TMEM272: variants seen among roughly 807,000 people sequenced by gnomAD.
TMEM272 encodes long intergenic non-protein coding RNA 282.
Under a neutral mutation model 3.7 loss-of-function variants are expected in TMEM272, and 8 were observed. The ratio of observed to expected loss-of-function variants is 2.17; its 90% confidence interval spans 1.27 to 3.91. The LOEUF is 3.91. Among genes scored for constraint, TMEM272 ranks in the 30% most tolerant of loss-of-function variants. The pLI is 0.00. For missense variants in TMEM272, 166 were observed against 91.5 expected, an observed-to-expected ratio of 1.81 and a Z score of -3.32; for synonymous variants, 63 against 39.8, an observed-to-expected ratio of 1.58 and a Z score of -2.20.
At chr13:51,865,851 A>AGGAAGAAAAGGCCCTGTGGGT in the TMEM272 span, 2 of 1,613,798 alleles carry the variant, frequency 1.2e-6, no homozygotes. Context: ...GCCCTGTGGG[A>AGGAAGAAAAGGCCCTGTGGGT]GGAAGAAAAG....
the TMEM272 span, among the ~76,000 whole-genome samples, chr13:51,917,300 T>G: frequency 6.6e-6 from 1 of 152,116 alleles, no homozygotes; most frequent in Non-Finnish European, 1.5e-5. Context: ...CAAGTTTTAT[T>G]AAGCCTGAGT....
the TMEM272 span, among the ~76,000 whole-genome samples, chr13:51,884,653 T>C: frequency 6.6e-6 from 1 of 152,206 alleles, no homozygotes; most frequent in East Asian, 1.9e-4. Flanking sequence ...TCCTCTGACA[T>C]TGGAGTCAGA....
the TMEM272 span, among the ~76,000 whole-genome samples, chr13:51,874,806 G>A: frequency 1.3e-4 from 20 of 152,184 alleles, no homozygotes; most frequent in Non-Finnish European, 1.9e-4. Context: ...AGCCAGAAGC[G>A]CTGGTTTTGC....
chr13:51,867,127 A>G, the TMEM272 span, among the ~76,000 whole-genome samples: 1 of 152,144 alleles, frequency 6.6e-6, no homozygotes, highest in African/African-American at 2.4e-5. Flanking sequence ...CCTGGCCTTC[A>G]CTGTCATTAA....
chr13:51,865,488 G>C, the TMEM272 span: 8 of 1,614,046 alleles, frequency 5.0e-6, no homozygotes, highest in African/African-American at 1.1e-4. Context: ...CCCAGTATTC[G>C]CCAGAAGAAA....
At chr13:51,899,649 C>T in the TMEM272 span, among the ~76,000 whole-genome samples, 2 of 152,128 alleles carry the variant, frequency 1.3e-5, no homozygotes, top group Non-Finnish European at 2.9e-5. Context: ...GACAAACTGA[C>T]CCTAAAGTTA....
chr13:51,858,733 G>T, the TMEM272 span, among the ~76,000 whole-genome samples: 1 of 152,138 alleles, frequency 6.6e-6, no homozygotes, highest in African/African-American at 2.4e-5. Context: ...AAATTTATTG[G>T]GTGTAAAAGG....
chr13:51,852,140 A>C, the TMEM272 span, among the ~76,000 whole-genome samples: 1 of 152,224 alleles, frequency 6.6e-6, no homozygotes, highest in Non-Finnish European at 1.5e-5. Context: ...ATTTCCTTCC[A>C]ACTCTGCTAA....
the TMEM272 span, among the ~76,000 whole-genome samples, chr13:51,923,048 G>A: frequency 6.6e-6 from 1 of 152,224 alleles, no homozygotes; most frequent in Non-Finnish European, 1.5e-5. Flanking sequence ...GCCAGCTGCA[G>A]GGTGTGGTGC....
chr13:51,844,532 G>A (rs1956289051), intron 1 of TMEM272, among the ~76,000 whole-genome samples: 1 of 152,166 alleles, frequency 6.6e-6, no homozygotes, highest in Non-Finnish European at 1.5e-5. Context: ...TTCAGTGGAG[G>A]TTATCGCATA....
rs755673281 is a variant in TMEM272 at position 51,814,148 on chromosome 13, T to C, written c.*2603A>G. On this transcript the variant is annotated 3_prime_UTR_variant, in exon 5 of 5. Coordinates refer to ENST00000629372, the MANE Select transcript of TMEM272 (RefSeq NM_001351003.2). ...ACTCACCTCCAGCTCAGTGAAATTA[T>C]ACTAAGAGGTGATCACTTAAAGGGC... 5.3e-5 allele frequency: 8 copies of C among 152,276 alleles called. No homozygotes were observed. The highest frequency in any genetic ancestry group is 1.3e-4 in the Admixed American group (2 of 15,284). 9.4% of individuals were successfully genotyped at this position (152,276 alleles called of 1,614,324 possible). A position where few individuals can be genotyped will look rare whatever the true frequency, so the allele number is the denominator to read the frequency against.
At chr13:51,860,272 C>T in the TMEM272 span, among the ~76,000 whole-genome samples, 1 of 151,910 alleles carries the variant, frequency 6.6e-6, no homozygotes, top group Non-Finnish European at 1.5e-5. Context: ...AGATATTGGG[C>T]GATTAAACCA....
chr13:51,897,344 T>C, the TMEM272 span, among the ~76,000 whole-genome samples: 1 of 146,368 alleles, frequency 6.8e-6, no homozygotes, highest in Non-Finnish European at 1.5e-5. Flanking sequence ...CACACATGCA[T>C]GCCACCATGT....
At chr13:51,842,993 G>T (rs962303330) in intron 1 of TMEM272, among the ~76,000 whole-genome samples, 1 of 152,152 alleles carries the variant, frequency 6.6e-6, no homozygotes, top group African/African-American at 2.4e-5. Flanking sequence ...TTATAAATGA[G>T]CTGTATCCAT....
chr13:51,817,232 A>G, intron 4 of TMEM272, 119 bp from the exon 5 acceptor site: 1 of 600,086 alleles, frequency 1.7e-6, no homozygotes, highest in Non-Finnish European at 3.0e-6. Context: ...GAGAGAGAGG[A>G]AGGTGTTATG....
At chr13:51,924,553 T>G in the TMEM272 span, among the ~76,000 whole-genome samples, 1 of 152,158 alleles carries the variant, frequency 6.6e-6, no homozygotes, top group Admixed American at 6.5e-5. Context: ...TTCTGCATTC[T>G]TGGGGCCACA....
chr13:51,856,912 A>T, the TMEM272 span, among the ~76,000 whole-genome samples: 6 of 152,226 alleles, frequency 3.9e-5, no homozygotes, highest in Non-Finnish European at 8.8e-5. Context: ...ATGAAGGCAA[A>T]TGGGATTATA....
the TMEM272 span, among the ~76,000 whole-genome samples, chr13:51,896,700 G>A: frequency 6.6e-6 from 1 of 152,178 alleles, no homozygotes; most frequent in Non-Finnish European, 1.5e-5. Flanking sequence ...CCAGAACCCG[G>A]CTGAGTACTT....
the TMEM272 span, among the ~76,000 whole-genome samples, chr13:51,903,380 C>A: frequency 6.6e-6 from 1 of 152,190 alleles, no homozygotes; most frequent in Non-Finnish European, 1.5e-5. Flanking sequence ...CACTTCATAA[C>A]TCATTCCTAA....
Sources: gnomAD v4.1 joint callset for allele counts (sites outside exome capture counted in the v4.1 genomes callset) on GRCh38, gnomAD v4.1.1 for gene constraint, MANE v1.5 for transcripts, NCBI Gene and HGNC (gene_info 2026-07-23, HGNC 2026-07-21) for gene names.